TXNDC5: variants seen among roughly 807,000 people sequenced by gnomAD.
TXNDC5 encodes thioredoxin domain-containing protein 5.
TXNDC5 carries 44 observed loss-of-function variants against 52.6 expected under a neutral mutation model. The ratio of observed to expected loss-of-function variants is 0.84; its 90% confidence interval spans 0.66 to 1.08. The LOEUF is 1.08. TXNDC5 is among the 50% of genes least tolerant of loss of function. The pLI is 0.00. For missense variants in TXNDC5, 600 were observed against 565.5 expected (o/e 1.06, Z -0.62); for synonymous variants, 241 against 234.4 (o/e 1.03, Z -0.26).
chr6:7,885,175 CT>C (rs796174969), intron 8 of TXNDC5, among the ~76,000 whole-genome samples: 6 of 152,308 alleles, frequency 3.9e-5, no homozygotes, highest in African/African-American at 1.4e-4. Flanking sequence ...CTTTTTACCC[CT>C]ATGGTTAGTT....
chr6:7,886,814 C>T (rs898739512), intron 7 of TXNDC5, among the ~76,000 whole-genome samples: 1 of 152,178 alleles, frequency 6.6e-6, no homozygotes, highest in Non-Finnish European at 1.5e-5. Flanking sequence ...ACCAGGGCTG[C>T]TCCATTTGAG....
intron 1 of TXNDC5, among the ~76,000 whole-genome samples, chr6:7,907,364 G>A (rs1277261915): frequency 6.6e-6 from 1 of 152,152 alleles, no homozygotes; most frequent in Non-Finnish European, 1.5e-5. Context: ...ACAGGCAGCT[G>A]CACTCAGAAG....
chr6:7,910,593 T>A lies in TXNDC5; in HGVS notation c.184A>T (p.Ser62Cys). Reference protein sequence around the residue: ...ADGEDGQDPHSKHLYTADMFT... With the variant: ...ADGEDGQDPHCKHLYTADMFT... The stretch of plus-strand genomic sequence containing the variant: ...ATGTCGGCCGTGTACAGGTGCTTGC[T>A]GTGCGGGTCCTGTCCGTCCTCGCCG... The change falls in exon 1 of 10, where the codon AGC becomes TGC. Residue 62 changes from serine to cysteine, a missense_variant. By Grantham distance (112) the Ser-to-Cys change is moderately radical. Transcript: ENST00000379757. The A allele has an allele frequency of 7.1e-7, 1 of 1,399,758 alleles. No homozygotes were observed. Among genetic ancestry groups the A allele is most frequent in the Non-Finnish European group, 9.4e-7 (1 of 1,060,724 alleles). The allele number at this position is 1,399,758 out of a possible 1,614,324, so 86.7% of individuals were successfully genotyped here. A position where few individuals can be genotyped will look rare whatever the true frequency, so the allele number is the denominator to read the frequency against.
chr6:7,884,174 G>A lies in TXNDC5; in HGVS notation c.1176+185C>T, dbSNP rs78157257. 2.4e-3 allele frequency among the ~76,000 whole-genome samples: 369 copies of A among 152,278 alleles called. 3 individuals are homozygous for A. Among genetic ancestry groups the A allele is most frequent in the Middle Eastern group, 0.014 (4 of 294 alleles). ...CATGGATACTAACTACAAAGCGGGC[G>A]AAGAAGAATGCCTTCCCTTTGAGAG... On this transcript the variant is annotated intron_variant, in intron 9 of 9. Coordinates refer to ENST00000379757, the MANE Select transcript of TXNDC5 (RefSeq NM_030810.5).
intron 1 of TXNDC5, among the ~76,000 whole-genome samples, chr6:7,907,235 G>A (rs964882167): frequency 3.3e-5 from 5 of 149,968 alleles, no homozygotes; most frequent in African/African-American, 5.0e-5. Context: ...TTTGTGGTGC[G>A]CTAAATCAAA....
At chr6:7,899,726 C>CT in intron 2 of TXNDC5, 45 bp from the exon 3 acceptor site, 3 of 1,536,648 alleles carry the variant, frequency 2.0e-6, no homozygotes, top group Non-Finnish European at 2.7e-6. Context: ...AGAAAGTTGT[C>CT]TTATCAGAGA....
Position 7,910,786 on chromosome 6 carries a change from G to A in TXNDC5, c.-10C>T. 2 of 985,478 alleles carry A rather than the reference G, an allele frequency of 2.0e-6. No homozygotes were observed. Among genetic ancestry groups the A allele is most frequent in the Non-Finnish European group, 2.4e-6 (2 of 831,586 alleles). 61.0% of individuals were successfully genotyped at this position (985,478 alleles called of 1,614,324 possible). ...CTGGGCGCGCGGGCATCGCGGCGGG[G>A]CTGGGCGCGCTCTCGCCGCGGCCTC... On this transcript the variant is annotated 5_prime_UTR_variant, in exon 1 of 10. Transcript: ENST00000379757.
chr6:7,892,800 A>T (rs1403502665), intron 4 of TXNDC5, among the ~76,000 whole-genome samples: 1 of 152,244 alleles, frequency 6.6e-6, no homozygotes, highest in Non-Finnish European at 1.5e-5. Context: ...GTTCTCCATT[A>T]AACCTCTTTC....
chr6:7,882,664 G>A lies in TXNDC5; in HGVS notation c.*480C>T, dbSNP rs535238557. ...TGCATTTCAATCTGCTCCATGCTAC[G>A]GACCAACACAGTATTGAGTCAACTG... On this transcript the variant is annotated 3_prime_UTR_variant, in exon 10 of 10. Coordinates refer to ENST00000379757, the MANE Select transcript of TXNDC5 (RefSeq NM_030810.5). 3.2e-5 allele frequency: 5 copies of A among 157,618 alleles called. No individual in the cohort carries two copies. The highest frequency in any genetic ancestry group is 6.1e-5 in the Admixed American group (1 of 16,400). The allele number at this position is 157,618 out of a possible 1,614,324, so 9.8% of individuals were successfully genotyped here.
intron 1 of TXNDC5, among the ~76,000 whole-genome samples, chr6:7,909,023 T>C (rs1173591171): frequency 6.6e-6 from 1 of 152,220 alleles, no homozygotes; most frequent in East Asian, 1.9e-4. Flanking sequence ...CCATTGGAGT[T>C]GTAAAAATTC....
chr6:7,910,591 G>C lies in TXNDC5; in HGVS notation c.186C>G (p.Ser62Arg), dbSNP rs1406481268. The C allele has an allele frequency of 1.4e-6, 2 of 1,428,266 alleles. No individual in the cohort carries two copies. Among genetic ancestry groups the C allele is most frequent in the South Asian group, 1.3e-5 (1 of 76,036 alleles). 88.5% of individuals were successfully genotyped at this position (1,428,266 alleles called of 1,614,324 possible). Residue 62 changes from serine to arginine, a missense_variant, in exon 1 of 10, where the codon AGC becomes AGG. Physicochemically the swap from Ser to Arg is moderately radical, Grantham distance 110. Coordinates refer to ENST00000379757, the MANE Select transcript of TXNDC5 (RefSeq NM_030810.5). ...ACATGTCGGCCGTGTACAGGTGCTT[G>C]CTGTGCGGGTCCTGTCCGTCCTCGC... is the stretch of plus-strand genomic sequence containing the variant. ...ADGEDGQDPH[S>R]KHLYTADMFT...
Position 7,910,574 on chromosome 6 carries a change from G to A in TXNDC5, c.203C>T (p.Ala68Val). 1 of 1,449,824 alleles carries A rather than the reference G, an allele frequency of 6.9e-7. No homozygotes were observed. The highest frequency in any genetic ancestry group is 2.3e-5 in the Admixed American group (1 of 42,926). 89.8% of individuals were successfully genotyped at this position (1,449,824 alleles called of 1,614,324 possible). The change falls in exon 1 of 10, where the codon GCC (alanine) becomes GTC (valine). Residue 68 changes from alanine to valine, a missense_variant. Transcript: ENST00000379757. ...QDPHSKHLYT[A>V]DMFTHGIQSA... ...CTGGATCCCGTGCGTGAACATGTCG[G>A]CCGTGTACAGGTGCTTGCTGTGCGG...
intron 2 of TXNDC5, chr6:7,900,236 C>G (rs989292153): frequency 6.6e-6 from 1 of 152,272 alleles, no homozygotes; most frequent in Non-Finnish European, 1.5e-5. Flanking sequence ...GGAATCTTTT[C>G]TTTTTCCTAC....
At position 7,882,593 on chromosome 6, in the gene TXNDC5, A is replaced by G. The variant is rs987535047; in HGVS notation, c.*551T>C. 5.2e-5 allele frequency: 8 copies of G among 153,350 alleles called. No homozygotes were observed. Among genetic ancestry groups the G allele is most frequent in the African/African-American group, 1.7e-4 (7 of 41,440 alleles). The allele number at this position is 153,350 out of a possible 1,614,324, so 9.5% of individuals were successfully genotyped here. Reference sequence around the variant, plus strand: ...TGAGAGAAGTATTCACAGCAACAGAAGCTCCAGCAGCGGCCGTGAAGGTAT... The same window carrying G: ...TGAGAGAAGTATTCACAGCAACAGAGGCTCCAGCAGCGGCCGTGAAGGTAT... On this transcript the variant is annotated 3_prime_UTR_variant, in exon 10 of 10. Coordinates refer to ENST00000379757, the MANE Select transcript of TXNDC5 (RefSeq NM_030810.5).
chr6:7,894,799 A>C, intron 4 of TXNDC5: 1 of 985,464 alleles, frequency 1.0e-6, no homozygotes, highest in African/African-American at 1.7e-5. Context: ...CAATAAAGTA[A>C]AGAGCAATCA....
intron 2 of TXNDC5, among the ~76,000 whole-genome samples, chr6:7,901,727 A>G (rs1420250504): frequency 6.6e-6 from 1 of 152,220 alleles, no homozygotes; most frequent in Admixed American, 6.5e-5. Flanking sequence ...GATTTCCGCT[A>G]TTACCAAGCC....
intron 2 of TXNDC5, among the ~76,000 whole-genome samples, chr6:7,902,296 C>CA (rs1232009538): frequency 2.6e-5 from 4 of 152,180 alleles, no homozygotes; most frequent in African/African-American, 9.7e-5. Context: ...GAAACTAACA[C>CA]AGGTAGTTCC....
chr6:7,894,946 G>A (rs1365816593), intron 4 of TXNDC5, 160 bp downstream of exon 4: 2 of 984,726 alleles, frequency 2.0e-6, no homozygotes, highest in Non-Finnish European at 2.4e-6. Context: ...TTTTAGAGGA[G>A]GTGCACTGAA....
In TXNDC5 at chr6:7,910,504, G is replaced by T; in HGVS notation, c.263+10C>A. On this transcript the variant is annotated intron_variant, in intron 1 of 9. Coordinates refer to ENST00000379757, the MANE Select transcript of TXNDC5 (RefSeq NM_030810.5). ...AGTGCGGGGCAGGGCGCCGGCCTGC[G>T]CGGCGTTACCAGGGCGCGAAGAACA... 1 of 1,430,264 alleles carries T rather than the reference G, an allele frequency of 7.0e-7. No individual in the cohort carries two copies. The highest frequency in any genetic ancestry group is 1.3e-5 in the South Asian group (1 of 77,114). The allele number at this position is 1,430,264 out of a possible 1,614,324, so 88.6% of individuals were successfully genotyped here.
Sources: gnomAD v4.1 joint callset for allele counts (sites outside exome capture counted in the v4.1 genomes callset) on GRCh38, gnomAD v4.1.1 for gene constraint, MANE v1.5 for transcripts, NCBI Gene and HGNC (gene_info 2026-07-23, HGNC 2026-07-21) for gene names.